Variants in COL13A1 observed in about 807,000 individuals in gnomAD.
COL13A1 encodes the protein collagen alpha-1(XIII) chain.
Under a neutral mutation model 130.9 loss-of-function variants are expected in COL13A1, and 89 were observed. The observed-to-expected ratio is 0.68, with a 90% CI of 0.57 to 0.81. COL13A1 has a LOEUF of 0.81. Ranked by LOEUF, COL13A1 falls within the 30% of genes least tolerant of loss-of-function variation. The probability of loss-of-function intolerance (pLI) is 0.00; values close to 1 mark genes in which losing one functional copy is unlikely to be tolerated. For missense variants in COL13A1, 879 were observed against 934.6 expected, an observed-to-expected ratio of 0.94 and a Z score of 0.78; for synonymous variants, 402 against 341.6, an observed-to-expected ratio of 1.18 and a Z score of -1.95.
chr10:69,869,800 T>C (rs923686839), intron 3 of COL13A1, among the ~76,000 whole-genome samples: 3 of 152,198 alleles, frequency 2.0e-5, no homozygotes, highest in African/African-American at 7.2e-5. Context: ...TTCCTAATAC[T>C]GGGAACTATG....
chr10:69,812,568 G>C (rs541188958), intron 1 of COL13A1, among the ~76,000 whole-genome samples: 2 of 152,172 alleles, frequency 1.3e-5, no homozygotes, highest in Admixed American at 1.3e-4. Context: ...TCTGAGCCAG[G>C]CTTCCCGGGT....
chr10:69,921,924 C>A lies in COL13A1; in HGVS notation c.1132C>A (p.Leu378Met). 6.2e-7 allele frequency: 1 copy of A among 1,605,998 alleles called. No individual in the cohort carries two copies. Among genetic ancestry groups the A allele is most frequent in the Non-Finnish European group, 8.5e-7 (1 of 1,176,490 alleles). The part of the protein sequence containing the change: ...AEGSPGLPGL[L>M]GQKGEKGDAG... ...AGGCTCCCCTGGGCTTCCTGGCCTCCTGGGGCAGAAGGTAGGTGTTGCTCT... is the reference window on the plus strand; with the variant it reads ...AGGCTCCCCTGGGCTTCCTGGCCTCATGGGGCAGAAGGTAGGTGTTGCTCT... Residue 378 changes from leucine to methionine, a missense_variant, in exon 22 of 41, where the codon CTG (leucine) becomes ATG (methionine). Leu to Met is a conservative substitution (Grantham distance 15). Transcript: ENST00000645393.
In COL13A1 at chr10:69,806,649, A is replaced by T. The variant is rs1262507864; in HGVS notation, c.294+3932A>T. Among the ~76,000 whole-genome samples the T allele has an allele frequency of 2.6e-5, 4 of 152,316 alleles. No homozygotes were observed. In the East Asian group the frequency reaches 7.7e-4, roughly 29 times the overall value. ...AGCTGGAATGTCCCAAATGGAGAAA[A>T]TCAGATGACACCTAGGACTGGGCAG... On this transcript the variant is annotated intron_variant, in intron 1 of 40. Transcript: ENST00000645393.
chr10:69,882,760 C>T (rs1409350467), intron 7 of COL13A1, among the ~76,000 whole-genome samples: 1 of 152,292 alleles, frequency 6.6e-6, no homozygotes, highest in East Asian at 1.9e-4. Context: ...ACATTGGCAC[C>T]AGGAAAGGTT....
chr10:69,908,926 C>T (rs892880181), intron 17 of COL13A1, among the ~76,000 whole-genome samples: 1 of 150,794 alleles, frequency 6.6e-6, no homozygotes, highest in African/African-American at 2.4e-5. Flanking sequence ...AGGGAGCTTC[C>T]TAATCGCCAG....
Position 69,944,239 on chromosome 10 carries a change from A to G in COL13A1, c.1968+61A>G, listed in dbSNP as rs3750780. ...GAGGGAGAGGCATGCCTGGGACCCAACACCAGGGGTCTCAGCCCTCATGCC... is the reference window on the plus strand; with the variant it reads ...GAGGGAGAGGCATGCCTGGGACCCAGCACCAGGGGTCTCAGCCCTCATGCC... On this transcript the variant is annotated intron_variant, in intron 36 of 40. Transcript: ENST00000645393. The G allele has an allele frequency of 0.42, 593,779 of 1,404,510 alleles. 126,656 individuals carry two copies. The highest frequency in any genetic ancestry group is 0.5 in the Middle Eastern group (2,257 of 4,534). 87.0% of individuals were successfully genotyped at this position (1,404,510 alleles called of 1,614,324 possible).
At chr10:69,941,117 A>G in intron 35 of COL13A1, 94 bp downstream of exon 35, 1 of 1,592,648 alleles carries the variant, frequency 6.3e-7, no homozygotes. Context: ...TCATTTTCCC[A>G]GTGAATCATG....
chr10:69,872,344 T>A (rs2134090546), intron 4 of COL13A1, 134 bp downstream of exon 4: 1 of 1,006,516 alleles, frequency 9.9e-7, no homozygotes, highest in East Asian at 2.6e-5. Flanking sequence ...GAGTCCCTGA[T>A]CTATAGCTTA....
chr10:69,852,111 G>A (rs573987421), intron 2 of COL13A1, among the ~76,000 whole-genome samples: 52 of 152,126 alleles, frequency 3.4e-4, no homozygotes, highest in African/African-American at 1.1e-3. Context: ...CTCTCGTGCC[G>A]CCTCTTCATT....
At chr10:69,845,315 C>G (rs920805531) in intron 2 of COL13A1, among the ~76,000 whole-genome samples, 19 of 152,036 alleles carry the variant, frequency 1.2e-4, no homozygotes, top group African/African-American at 4.6e-4. Context: ...GCCTCAGCCT[C>G]CCAAGTAACT....
intron 34 of COL13A1, among the ~76,000 whole-genome samples, chr10:69,938,788 G>T (rs1348441126): frequency 2.6e-5 from 4 of 152,164 alleles, no homozygotes; most frequent in African/African-American, 9.7e-5. Context: ...TATTTAAGAA[G>T]CCAATCTGCT....
chr10:69,846,779 G>T (rs1235836574), intron 2 of COL13A1, among the ~76,000 whole-genome samples: 1 of 152,212 alleles, frequency 6.6e-6, no homozygotes, highest in Non-Finnish European at 1.5e-5. Context: ...AATCCCCACA[G>T]GGGCAGAGGA....
intron 35 of COL13A1, among the ~76,000 whole-genome samples, chr10:69,943,011 C>G (rs1470827744): frequency 1.3e-5 from 2 of 152,200 alleles, no homozygotes; most frequent in African/African-American, 2.4e-5. Context: ...CCATGCCGGA[C>G]TAAATGTTGT....
chr10:69,943,241 C>T (rs996863654), intron 35 of COL13A1, among the ~76,000 whole-genome samples: 3 of 152,212 alleles, frequency 2.0e-5, no homozygotes, highest in African/African-American at 7.2e-5. Flanking sequence ...TCTTACTCCC[C>T]TCTTTGTCTC....
chr10:69,951,014 A>C (rs1390160455), intron 38 of COL13A1, among the ~76,000 whole-genome samples: 3 of 152,072 alleles, frequency 2.0e-5, no homozygotes, highest in Non-Finnish European at 4.4e-5. Flanking sequence ...ACACCAGGCT[A>C]ATTTTTGTAT....
At chr10:69,867,184 G>A (rs964365106) in intron 2 of COL13A1, among the ~76,000 whole-genome samples, 14 of 152,216 alleles carry the variant, frequency 9.2e-5, no homozygotes, top group African/African-American at 3.4e-4. Context: ...AGAGAGGCAT[G>A]GAGGAGGGTG....
chr10:69,885,644 A>G (rs746328963), intron 7 of COL13A1, among the ~76,000 whole-genome samples: 1 of 152,058 alleles, frequency 6.6e-6, no homozygotes, highest in African/African-American at 2.4e-5. Flanking sequence ...CCACGTAAAC[A>G]TTGTCCCTAG....
Position 69,806,265 on chromosome 10 carries a change from C to G in COL13A1, c.294+3548C>G, listed in dbSNP as rs555881666. Among the ~76,000 whole-genome samples, 27 of 152,358 alleles carry G rather than the reference C, an allele frequency of 1.8e-4. 1 individual carries two copies. The highest frequency in any genetic ancestry group is 6.5e-4 in the African/African-American group (27 of 41,582). On this transcript the variant is annotated intron_variant, in intron 1 of 40. Transcript: ENST00000645393. The stretch of plus-strand genomic sequence containing the variant: ...GGGCAAGCCTGGTGAGGCACACGGC[C>G]TGTGCAATGGCCTGGGGGTGGGACT...
chr10:69,845,279 G>A (rs1198586716), intron 2 of COL13A1, among the ~76,000 whole-genome samples: 4 of 148,806 alleles, frequency 2.7e-5, no homozygotes, highest in African/African-American at 1.0e-4. Context: ...TGCAACCTCC[G>A]CCTCCCAGGT....
Sources: gnomAD v4.1 joint callset for allele counts (sites outside exome capture counted in the v4.1 genomes callset) on GRCh38, gnomAD v4.1.1 for gene constraint, MANE v1.5 for transcripts, NCBI Gene and HGNC (gene_info 2026-07-23, HGNC 2026-07-21) for gene names.